GRM1: variants seen among roughly 807,000 people sequenced by gnomAD.
GRM1 encodes glutamate metabotropic receptor 1, also known as metabotropic glutamate receptor 1.
In GRM1, 33 loss-of-function variants were observed where a neutral mutation model predicts 90.9. That is an observed-to-expected ratio of 0.36 (90% CI 0.28 to 0.49). GRM1 has a LOEUF of 0.49. Among genes scored for constraint, GRM1 ranks in the 20% least tolerant of loss-of-function variants. The pLI is 0.99. For missense variants in GRM1, 1,190 were observed against 1,534.3 expected, an observed-to-expected ratio of 0.78 and a Z score of 3.75; for synonymous variants, 700 against 613.2, an observed-to-expected ratio of 1.14 and a Z score of -2.09.
intron 1 of GRM1, among the ~76,000 whole-genome samples, chr6:146,061,319 A>C (rs1354238421): frequency 6.6e-6 from 1 of 152,122 alleles, no homozygotes; most frequent in African/African-American, 2.4e-5. Flanking sequence ...AATGGCACTC[A>C]TAGACTTGTT....
intron 1 of GRM1, among the ~76,000 whole-genome samples, chr6:146,035,375 G>T (rs1282551652): frequency 1.3e-5 from 2 of 151,938 alleles, no homozygotes; most frequent in East Asian, 1.9e-4. Context: ...ATTGGCAAAA[G>T]TTGGTGAGTG....
intron 1 of GRM1, among the ~76,000 whole-genome samples, chr6:146,101,226 A>G (rs1416897830): frequency 2.6e-5 from 4 of 152,190 alleles, no homozygotes; most frequent in Non-Finnish European, 5.9e-5. Context: ...TAGTAGCCTT[A>G]TATATCCTTG....
At chr6:146,170,199 T>G (rs1778059553) in intron 2 of GRM1, among the ~76,000 whole-genome samples, 2 of 152,106 alleles carry the variant, frequency 1.3e-5, no homozygotes, top group South Asian at 4.2e-4. Flanking sequence ...GTTTTCAAGA[T>G]TTTTCTGTTT....
intron 7 of GRM1, among the ~76,000 whole-genome samples, chr6:146,403,352 G>A (rs1313612941): frequency 6.6e-6 from 1 of 152,014 alleles, no homozygotes; most frequent in Non-Finnish European, 1.5e-5. Flanking sequence ...GCTAAAATGT[G>A]ACAATACATT....
At chr6:146,305,351 T>C (rs1783538404) in intron 3 of GRM1, among the ~76,000 whole-genome samples, 1 of 152,098 alleles carries the variant, frequency 6.6e-6, no homozygotes, top group African/African-American at 2.4e-5. Context: ...GGTTCACAGC[T>C]GGACAGATGA....
chr6:146,103,239 G>T (rs1231959717), intron 1 of GRM1, among the ~76,000 whole-genome samples: 1 of 152,188 alleles, frequency 6.6e-6, no homozygotes, highest in African/African-American at 2.4e-5. Flanking sequence ...TAACTTAGGA[G>T]ATTGGTTAAT....
intron 3 of GRM1, among the ~76,000 whole-genome samples, chr6:146,334,786 C>T (rs1274608264): frequency 6.6e-6 from 1 of 152,142 alleles, no homozygotes; most frequent in Admixed American, 6.5e-5. Flanking sequence ...TTTGCATCTT[C>T]ATATGCCCTT....
intron 2 of GRM1, among the ~76,000 whole-genome samples, chr6:146,262,376 G>T (rs935831433): frequency 6.6e-6 from 1 of 151,896 alleles, no homozygotes; most frequent in Non-Finnish European, 1.5e-5. Context: ...TATACCAAAA[G>T]TATCTTAAGT....
chr6:146,058,108 G>A (rs559231967), intron 1 of GRM1, among the ~76,000 whole-genome samples: 8 of 151,986 alleles, frequency 5.3e-5, no homozygotes, highest in East Asian at 1.9e-4. Context: ...TGAGGACTTC[G>A]GGTGATTGTA....
At chr6:146,146,328 C>T (rs980417832) in intron 1 of GRM1, among the ~76,000 whole-genome samples, 9 of 151,650 alleles carry the variant, frequency 5.9e-5, no homozygotes, top group African/African-American at 2.2e-4. Flanking sequence ...ACCTCGTGAT[C>T]CACCCACCTC....
At chr6:146,239,187 A>G (rs755250324) in intron 2 of GRM1, among the ~76,000 whole-genome samples, 8 of 152,182 alleles carry the variant, frequency 5.3e-5, no homozygotes, top group Non-Finnish European at 8.8e-5. Flanking sequence ...CAACTGTAAA[A>G]GCTGTTGCCA....
At chr6:146,093,482 C>T (rs1301450537) in intron 1 of GRM1, among the ~76,000 whole-genome samples, 1 of 152,070 alleles carries the variant, frequency 6.6e-6, no homozygotes, top group Non-Finnish European at 1.5e-5. Flanking sequence ...TGATGCATAG[C>T]TCAAAAACAG....
chr6:146,170,800 C>T (rs1041188675), intron 2 of GRM1, among the ~76,000 whole-genome samples: 4 of 149,744 alleles, frequency 2.7e-5, no homozygotes, highest in African/African-American at 9.8e-5. Context: ...TGGTTGCCTG[C>T]TTTTTTTTTG....
At chr6:146,161,651 C>A (rs1162070556) in intron 2 of GRM1, among the ~76,000 whole-genome samples, 5 of 152,124 alleles carry the variant, frequency 3.3e-5, no homozygotes, top group Non-Finnish European at 7.4e-5. Flanking sequence ...TAGTTACGGT[C>A]ACTGATGCAT....
chr6:146,419,030 A>G (rs1777891530), intron 7 of GRM1, among the ~76,000 whole-genome samples: 1 of 152,196 alleles, frequency 6.6e-6, no homozygotes. Context: ...TAACATTAAT[A>G]ACATATAAGG....
chr6:146,357,955 CG>C (rs1785653262), intron 5 of GRM1, among the ~76,000 whole-genome samples: 1 of 152,056 alleles, frequency 6.6e-6, no homozygotes, highest in African/African-American at 2.4e-5. Context: ...TGGCAGGAAA[CG>C]GATGAGTAAT....
chr6:146,270,016 A>G (rs1473256058), intron 2 of GRM1, among the ~76,000 whole-genome samples: 1 of 152,078 alleles, frequency 6.6e-6, no homozygotes, highest in African/African-American at 2.4e-5. Flanking sequence ...AAATTCAGAC[A>G]CAAAATGATG....
intron 2 of GRM1, among the ~76,000 whole-genome samples, chr6:146,283,439 G>C (rs1238255536): frequency 6.6e-6 from 1 of 152,178 alleles, no homozygotes; most frequent in Non-Finnish European, 1.5e-5. Flanking sequence ...GGCACAAGAA[G>C]CAGGGTTTTA....
intron 2 of GRM1, among the ~76,000 whole-genome samples, chr6:146,296,122 A>G (rs1437908950): frequency 1.3e-5 from 2 of 152,166 alleles, no homozygotes; most frequent in African/African-American, 2.4e-5. Flanking sequence ...TCTGTTATAG[A>G]TGGGCACTTA....
Sources: gnomAD v4.1 joint callset for allele counts (sites outside exome capture counted in the v4.1 genomes callset) on GRCh38, gnomAD v4.1.1 for gene constraint, MANE v1.5 for transcripts, NCBI Gene and HGNC (gene_info 2026-07-23, HGNC 2026-07-21) for gene names.